Variants in PLA2G4C observed in about 807,000 individuals in gnomAD.
PLA2G4C encodes phospholipase A2 group IVC, also known as cytosolic phospholipase A2 gamma.
In PLA2G4C, 64 loss-of-function variants were observed where a neutral mutation model predicts 73.8. The ratio of observed to expected loss-of-function variants is 0.87; its 90% confidence interval spans 0.71 to 1.07. PLA2G4C has a LOEUF of 1.07. PLA2G4C is among the 50% of genes least tolerant of loss of function. The pLI is 0.00. For synonymous variants in PLA2G4C, 254 were observed against 252.1 expected, an observed-to-expected ratio of 1.01 and a Z score of -0.07; for missense variants, 622 against 665.4, an observed-to-expected ratio of 0.93 and a Z score of 0.72.
intron 12 of PLA2G4C, among the ~76,000 whole-genome samples, chr19:48,071,701 A>T (rs1968665499): frequency 6.6e-6 from 1 of 152,104 alleles, no homozygotes; most frequent in African/African-American, 2.4e-5. Flanking sequence ...CTCCCGCCTC[A>T]GCCTCCTGAG....
At chr19:48,101,165 C>T (rs1218550236) in intron 4 of PLA2G4C, among the ~76,000 whole-genome samples, 5 of 139,472 alleles carry the variant, frequency 3.6e-5, no homozygotes. Flanking sequence ...TGCTCTGTTG[C>T]CCAGACTAGA....
intron 14 of PLA2G4C, among the ~76,000 whole-genome samples, chr19:48,056,804 C>G (rs1006964685): frequency 5.4e-5 from 8 of 147,284 alleles, no homozygotes; most frequent in Non-Finnish European, 1.0e-4. Context: ...TGCACTCCAG[C>G]CTGGGCAACA....
chr19:48,057,082 G>A (rs934789752), intron 14 of PLA2G4C, among the ~76,000 whole-genome samples: 2 of 151,958 alleles, frequency 1.3e-5, no homozygotes, highest in African/African-American at 4.8e-5. Flanking sequence ...AAATCCCCAG[G>A]ACACAAGTTT....
At chr19:48,061,038 G>A (rs775734155) in intron 14 of PLA2G4C, among the ~76,000 whole-genome samples, 2 of 152,126 alleles carry the variant, frequency 1.3e-5, no homozygotes, top group African/African-American at 4.8e-5. Flanking sequence ...GCTTGTGCCT[G>A]TAATCCTAGC....
At chr19:48,103,078 G>A (rs1166687901) in intron 4 of PLA2G4C, among the ~76,000 whole-genome samples, 8 of 152,064 alleles carry the variant, frequency 5.3e-5, no homozygotes, top group African/African-American at 1.7e-4. Context: ...TTGCTATGTT[G>A]CCCAGGCTGG....
intron 14 of PLA2G4C, among the ~76,000 whole-genome samples, chr19:48,056,746 C>T (rs913161386): frequency 8.1e-5 from 12 of 148,854 alleles, no homozygotes; most frequent in East Asian, 4.0e-4. Flanking sequence ...ACAGGAGAAT[C>T]GCTTGAACAT....
intron 12 of PLA2G4C, among the ~76,000 whole-genome samples, chr19:48,068,230 G>C (rs1396786782): frequency 2.0e-5 from 3 of 150,534 alleles, no homozygotes; most frequent in Non-Finnish European, 4.4e-5. Context: ...GCTTGAACCT[G>C]GGAGGCAGAG....
chr19:48,081,305 G>A (rs953708771), intron 10 of PLA2G4C, among the ~76,000 whole-genome samples: 1 of 152,198 alleles, frequency 6.6e-6, no homozygotes, highest in Non-Finnish European at 1.5e-5. Flanking sequence ...TTGGATGGAG[G>A]CCATCATTCT....
At chr19:48,060,904 AGAT>A (rs772140695) in intron 14 of PLA2G4C, among the ~76,000 whole-genome samples, 1 of 152,168 alleles carries the variant, frequency 6.6e-6, no homozygotes, top group Non-Finnish European at 1.5e-5. Flanking sequence ...TAAATATAAT[AGAT>A]GATATGTTTT....
chr19:48,069,801 G>A (rs1364194129), intron 12 of PLA2G4C, among the ~76,000 whole-genome samples: 5 of 152,060 alleles, frequency 3.3e-5, no homozygotes, highest in Non-Finnish European at 7.4e-5. Flanking sequence ...GTCTTGCTCT[G>A]TCACCCAGGC....
chr19:48,108,551 C>A (rs1156564951), intron 1 of PLA2G4C, among the ~76,000 whole-genome samples: 1 of 152,184 alleles, frequency 6.6e-6, no homozygotes, highest in Non-Finnish European at 1.5e-5. Flanking sequence ...GAAAAGGAAG[C>A]TAAGGGATGG....
intron 14 of PLA2G4C, among the ~76,000 whole-genome samples, chr19:48,059,270 C>CAAAA (rs10686659): frequency 0.043 from 5,990 of 138,976 alleles, 261 homozygotes; most frequent in African/African-American, 0.11. Flanking sequence ...GACTCTGTCT[C>CAAAA]AAAAAAAAAA....
intron 13 of PLA2G4C, among the ~76,000 whole-genome samples, chr19:48,067,526 T>C (rs11564623): frequency 0.12 from 18,176 of 152,202 alleles, 1,207 homozygotes; most frequent in African/African-American, 0.18. Context: ...TTAGGGTTTT[T>C]TGCATTTTTG....
At chr19:48,093,444 C>T (rs1267956568) in intron 7 of PLA2G4C, among the ~76,000 whole-genome samples, 1 of 152,070 alleles carries the variant, frequency 6.6e-6, no homozygotes, top group East Asian at 1.9e-4. Context: ...GTTTACACAC[C>T]CACCCCTAAT....
At chr19:48,105,596 T>C in intron 2 of PLA2G4C, 152 bp from the exon 3 acceptor site, 1 of 611,860 alleles carries the variant, frequency 1.6e-6, no homozygotes, top group Non-Finnish European at 2.9e-6. Flanking sequence ...ATTCTGAAAC[T>C]AGATAGAGGT....
rs548562745 is a variant in PLA2G4C, at chr19:48,049,431, C to T, written c.1581-1043G>A. On this transcript the variant is annotated intron_variant, in intron 16 of 16. Coordinates refer to ENST00000599921, the MANE Select transcript of PLA2G4C (RefSeq NM_003706.3). ...CTCCTCAGCACACCGCACGTTCGGT[C>T]GTCTCCATGGCACTTACTCTCCATG... Among the ~76,000 whole-genome samples the T allele has an allele frequency of 2.4e-3, 365 of 152,244 alleles. 1 individual carries two copies. The highest frequency in any genetic ancestry group is 3.6e-3 in the Non-Finnish European group (242 of 68,026).
intron 1 of PLA2G4C, 109 bp downstream of exon 1, chr19:48,110,377 TA>T: frequency 3.0e-6 from 2 of 677,936 alleles, no homozygotes; most frequent in Non-Finnish European, 4.5e-6. Flanking sequence ...TAAAATAAAA[TA>T]AAATAAAAAA....
chr19:48,110,537 GGA>G lies in PLA2G4C; in HGVS notation c.-85_-84del. ...GCATGCGCGGTGGAGCTTGTGCTCC[GGA>G]ATCCGGTGCGGAGGCTTGGGCTCCC... On this transcript the variant is annotated 5_prime_UTR_variant, in exon 1 of 17. Transcript: ENST00000599921. 6.5e-7 allele frequency: 1 copy of G among 1,532,458 alleles called. No homozygotes were observed. Among genetic ancestry groups the G allele is most frequent in the South Asian group, 1.2e-5 (1 of 83,368 alleles). The allele number at this position is 1,532,458 out of a possible 1,614,324, so 94.9% of individuals were successfully genotyped here. A position where few individuals can be genotyped will look rare whatever the true frequency, so the allele number is the denominator to read the frequency against.
chr19:48,067,972 A>G (rs993555466), intron 12 of PLA2G4C, 86 bp from the exon 13 acceptor site: 9 of 934,254 alleles, frequency 9.6e-6, no homozygotes, highest in East Asian at 2.4e-5. Context: ...GGAAGCCCTC[A>G]TCCCCCATGG....
Sources: allele counts gnomAD v4.1 joint callset (sites outside exome capture counted in the v4.1 genomes callset), GRCh38; gene constraint gnomAD v4.1.1; transcripts MANE v1.5; gene names NCBI Gene and HGNC (gene_info 2026-07-23, HGNC 2026-07-21).